SPOCK3: variants seen among roughly 807,000 people sequenced by gnomAD.
SPOCK3 encodes SPARC (osteonectin), cwcv and kazal like domains proteoglycan 3.
In SPOCK3, 30 loss-of-function variants were observed where a neutral mutation model predicts 56.6. The ratio of observed to expected loss-of-function variants is 0.53; its 90% CI spans 0.40 to 0.72. The LOEUF (loss-of-function observed/expected upper bound fraction) is 0.72. Ranked by LOEUF, SPOCK3 falls within the 30% of genes least tolerant of loss-of-function variation. The pLI is 0.00. For synonymous variants in SPOCK3, 196 were observed against 183.3 expected (o/e 1.07, Z -0.56); for missense variants, 527 against 530.0 (o/e 0.99, Z 0.06).
At chr4:166,978,721 G>C (rs749772488) in intron 4 of SPOCK3, among the ~76,000 whole-genome samples, 9 of 151,862 alleles carry the variant, frequency 5.9e-5, no homozygotes, top group Non-Finnish European at 8.8e-5. Context: ...GAAGGAAGAC[G>C]GTTTTATTTA....
At chr4:167,201,720 T>G (rs1282222124) in intron 2 of SPOCK3, among the ~76,000 whole-genome samples, 1 of 151,852 alleles carries the variant, frequency 6.6e-6, no homozygotes, top group East Asian at 1.9e-4. Flanking sequence ...GTGGGACAAT[T>G]TCTAAACCAA....
At chr4:166,949,938 C>G (rs541339146) in intron 4 of SPOCK3, among the ~76,000 whole-genome samples, 3 of 151,260 alleles carry the variant, frequency 2.0e-5, no homozygotes, top group African/African-American at 7.4e-5. Flanking sequence ...GAAGGAAGCA[C>G]TAAACATGCA....
chr4:166,868,651 C>T (rs57136544), intron 6 of SPOCK3, among the ~76,000 whole-genome samples: 15,417 of 152,070 alleles, frequency 0.1, 1,092 homozygotes, highest in East Asian at 0.39. Context: ...AAACAGTAAT[C>T]TAGCTTATGC....
chr4:166,800,438 C>T (rs919721484), intron 6 of SPOCK3, among the ~76,000 whole-genome samples: 1 of 151,984 alleles, frequency 6.6e-6, no homozygotes, highest in Non-Finnish European at 1.5e-5. Context: ...GCATTGTTAT[C>T]GTAGGAGAAG....
rs77004077 is a variant in SPOCK3, at chr4:166,984,996, C to G, written c.350+15353G>C. ...GGGAAATTGCTGTCAAGGAGCCATT[C>G]AGAATATGGCCCCAGAAGTGTCTAC... On this transcript the variant is annotated intron_variant, in intron 4 of 10. Coordinates refer to ENST00000357545, the MANE Select transcript of SPOCK3 (RefSeq NM_001040159.2). Among the ~76,000 whole-genome samples, 11 of 152,148 alleles carry G rather than the reference C, an allele frequency of 7.2e-5. No individual in the cohort carries two copies. The East Asian group carries it at 2.1e-3, about 29-fold the overall frequency.
chr4:166,835,920 C>A (rs1394168056), intron 6 of SPOCK3, among the ~76,000 whole-genome samples: 2 of 152,048 alleles, frequency 1.3e-5, no homozygotes, highest in Non-Finnish European at 2.9e-5. Flanking sequence ...GCAGGAGAAT[C>A]GCTTGAACCT....
intron 2 of SPOCK3, among the ~76,000 whole-genome samples, chr4:167,145,359 T>C (rs1763858842): frequency 6.6e-6 from 1 of 152,074 alleles, no homozygotes; most frequent in Non-Finnish European, 1.5e-5. Context: ...AGCTGTTAGA[T>C]ATATTAGTAG....
chr4:166,976,223 T>G (rs1209720629), intron 4 of SPOCK3, among the ~76,000 whole-genome samples: 2 of 152,144 alleles, frequency 1.3e-5, no homozygotes, highest in Admixed American at 1.3e-4. Flanking sequence ...AGATCAAACT[T>G]TTGGAGGCAT....
chr4:167,070,743 T>C (rs1381331454), intron 2 of SPOCK3, among the ~76,000 whole-genome samples: 1 of 151,984 alleles, frequency 6.6e-6, no homozygotes, highest in Non-Finnish European at 1.5e-5. Flanking sequence ...GCATAACAGT[T>C]AAGCCAATAA....
chr4:167,095,894 TAAGC>T (rs1452592710), intron 2 of SPOCK3, among the ~76,000 whole-genome samples: 1 of 151,844 alleles, frequency 6.6e-6, no homozygotes, highest in African/African-American at 2.4e-5. Context: ...CTGGTACTAA[TAAGC>T]AAGAATGCAA....
At chr4:167,014,061 A>T (rs2558144) in intron 3 of SPOCK3, among the ~76,000 whole-genome samples, 108,439 of 152,000 alleles carry the variant, frequency 0.71, 39,235 homozygotes, top group East Asian at 0.86. Flanking sequence ...TTATCATTTG[A>T]CTTTTGGTTG....
intron 2 of SPOCK3, among the ~76,000 whole-genome samples, chr4:167,169,880 A>G (rs1394913886): frequency 6.6e-6 from 1 of 152,114 alleles, no homozygotes; most frequent in South Asian, 2.1e-4. Flanking sequence ...AATGAGTCTC[A>G]CAAGATCTGA....
At chr4:167,056,639 G>A (rs978671291) in intron 3 of SPOCK3, among the ~76,000 whole-genome samples, 16 of 152,352 alleles carry the variant, frequency 1.1e-4, no homozygotes, top group Admixed American at 8.5e-4. Flanking sequence ...CGTGAAGAAT[G>A]CAGAAGCCTC....
At chr4:166,971,761 C>G (rs971410409) in intron 4 of SPOCK3, among the ~76,000 whole-genome samples, 2 of 151,964 alleles carry the variant, frequency 1.3e-5, no homozygotes, top group African/African-American at 4.8e-5. Flanking sequence ...CTGAAACATA[C>G]TAGACATTAT....
Position 166,873,972 on chromosome 4 carries a change from G to C in SPOCK3, c.589+15158C>G, listed in dbSNP as rs571636899. Among the ~76,000 whole-genome samples, 3 of 152,248 alleles carry C rather than the reference G, an allele frequency of 2.0e-5. No homozygotes were observed. In the South Asian group the frequency reaches 6.2e-4, roughly 32 times the overall value. ...AAGAACAATTTCCCAAGTGTCTCTCGTGTGTACATGCACCTTGTAGTAGCT... is the reference window on the plus strand; with the variant it reads ...AAGAACAATTTCCCAAGTGTCTCTCCTGTGTACATGCACCTTGTAGTAGCT... On this transcript the variant is annotated intron_variant, in intron 6 of 10. Coordinates refer to ENST00000357545, the MANE Select transcript of SPOCK3 (RefSeq NM_001040159.2).
chr4:166,795,520 C>T (rs1741838272), intron 6 of SPOCK3, among the ~76,000 whole-genome samples: 1 of 151,940 alleles, frequency 6.6e-6, no homozygotes, highest in African/African-American at 2.4e-5. Context: ...TTTCATTTGA[C>T]AATAATTAAC....
chr4:166,889,291 T>C (rs889457887), intron 5 of SPOCK3, 47 bp from the exon 6 acceptor site: 1 of 1,182,300 alleles, frequency 8.5e-7, no homozygotes, highest in Non-Finnish European at 1.2e-6. Context: ...TTTAGTTATA[T>C]CAGTAAAACT....
intron 2 of SPOCK3, among the ~76,000 whole-genome samples, chr4:167,228,944 T>A (rs998281657): frequency 6.6e-6 from 1 of 152,052 alleles, no homozygotes; most frequent in Non-Finnish European, 1.5e-5. Context: ...TTTTAAGAAC[T>A]AAACCCAGTG....
At chr4:167,027,341 T>G (rs550211048) in intron 3 of SPOCK3, among the ~76,000 whole-genome samples, 17 of 152,208 alleles carry the variant, frequency 1.1e-4, no homozygotes, top group African/African-American at 4.1e-4. Flanking sequence ...TTAAAGACTA[T>G]GTTGTCTGGT....
Sources: allele counts gnomAD v4.1 joint callset (sites outside exome capture counted in the v4.1 genomes callset), GRCh38; gene constraint gnomAD v4.1.1; transcripts MANE v1.5; gene names NCBI Gene and HGNC (gene_info 2026-07-23, HGNC 2026-07-21).